The following NRG3 variants were observed in gnomAD, a reference collection of about 807,000 sequenced individuals.
The protein encoded by NRG3 is neuregulin 3.
Under a neutral mutation model 66.9 loss-of-function variants are expected in NRG3, and 31 were observed. That is an observed-to-expected ratio of 0.46 (90% CI 0.35 to 0.63). NRG3 has a LOEUF of 0.63. Among genes scored for constraint, NRG3 ranks in the 20% least tolerant of loss-of-function variants. NRG3 has a pLI of 0.00. For synonymous variants in NRG3, 393 were observed against 359.4 expected (o/e 1.09, Z -1.06); for missense variants, 910 against 878.9 (o/e 1.04, Z -0.45).
chr10:81,913,973 C>T (rs1845427096), intron 1 of NRG3, among the ~76,000 whole-genome samples: 1 of 152,132 alleles, frequency 6.6e-6, no homozygotes, highest in African/African-American at 2.4e-5. Context: ...ACATCCAGAG[C>T]TCTTGTGGCA....
chr10:82,348,524 G>T (rs1009690592), intron 1 of NRG3, among the ~76,000 whole-genome samples: 1 of 149,040 alleles, frequency 6.7e-6, no homozygotes, highest in African/African-American at 2.5e-5. Flanking sequence ...TTCAACTTTG[G>T]TGAATCTGAC....
intron 1 of NRG3, chr10:82,232,501 A>G (rs1226159886): frequency 1.5e-5 from 7 of 460,046 alleles, no homozygotes; most frequent in Non-Finnish European, 8.2e-6. Context: ...CTCTTCTCCT[A>G]ACAGGTGCTC....
intron 6 of NRG3, among the ~76,000 whole-genome samples, chr10:82,973,535 T>C (rs1851965195): frequency 6.6e-6 from 1 of 152,144 alleles, no homozygotes; most frequent in Non-Finnish European, 1.5e-5. Context: ...TAAAATGAGA[T>C]AGCAGGCTTG....
At chr10:82,082,243 G>A (rs1216478952) in intron 1 of NRG3, among the ~76,000 whole-genome samples, 1 of 152,124 alleles carries the variant, frequency 6.6e-6, no homozygotes, top group Non-Finnish European at 1.5e-5. Flanking sequence ...AAAATTAAGG[G>A]ATCTGAAACA....
Position 81,960,607 on chromosome 10 carries a change from C to T in NRG3, c.823+84444C>T, listed in dbSNP as rs373998186. Among the ~76,000 whole-genome samples, 389 of 151,584 alleles carry T rather than the reference C, an allele frequency of 2.6e-3. 2 individuals are homozygous for T. Among genetic ancestry groups the T allele is most frequent in the Middle Eastern group, 6.8e-3 (2 of 294 alleles). On this transcript the variant is annotated intron_variant, in intron 1 of 8. Coordinates refer to ENST00000372141, the MANE Select transcript of NRG3 (RefSeq NM_001010848.4). ...GTCTGTTCCACTTAGTGCAGTGTCT[C>T]GGTAATTAGAACAAACTAATTCTGG...
intron 1 of NRG3, among the ~76,000 whole-genome samples, chr10:82,103,595 A>C (rs571051694): frequency 6.6e-6 from 1 of 152,164 alleles, no homozygotes; most frequent in Non-Finnish European, 1.5e-5. Context: ...AAAGCCTTTG[A>C]CATGCTTCTT....
chr10:82,244,755 A>G (rs1041122077), intron 1 of NRG3, among the ~76,000 whole-genome samples: 1 of 152,012 alleles, frequency 6.6e-6, no homozygotes, highest in Admixed American at 6.6e-5. Flanking sequence ...TTGATTGGAG[A>G]CAGAGTCTTG....
intron 2 of NRG3, among the ~76,000 whole-genome samples, chr10:82,408,864 C>T: frequency 6.6e-6 from 1 of 151,848 alleles, no homozygotes; most frequent in Non-Finnish European, 1.5e-5. Flanking sequence ...AAAAATTTTG[C>T]AGAATAGGAA....
chr10:82,630,253 A>G (rs1181107058), intron 2 of NRG3, among the ~76,000 whole-genome samples: 1 of 152,168 alleles, frequency 6.6e-6, no homozygotes, highest in African/African-American at 2.4e-5. Flanking sequence ...AAGTAAATAA[A>G]GAGGTAATTT....
chr10:81,904,874 A>C (rs1016778338), intron 1 of NRG3, among the ~76,000 whole-genome samples: 2 of 152,160 alleles, frequency 1.3e-5, no homozygotes, highest in African/African-American at 4.8e-5. Context: ...TACCTGCCTC[A>C]GAGGGTTGCT....
chr10:82,253,102 T>G (rs2077561446), intron 1 of NRG3, among the ~76,000 whole-genome samples: 1 of 152,166 alleles, frequency 6.6e-6, no homozygotes, highest in Non-Finnish European at 1.5e-5. Context: ...CCTTGGAATT[T>G]CCCAATACCA....
intron 2 of NRG3, among the ~76,000 whole-genome samples, chr10:82,465,999 C>T (rs577493577): frequency 6.6e-6 from 1 of 152,248 alleles, no homozygotes; most frequent in South Asian, 2.1e-4. Flanking sequence ...CTTGTGATTG[C>T]CCAGGCACTC....
intron 2 of NRG3, among the ~76,000 whole-genome samples, chr10:82,476,765 A>C (rs1259315619): frequency 6.6e-6 from 1 of 152,174 alleles, no homozygotes; most frequent in Non-Finnish European, 1.5e-5. Flanking sequence ...ATGATGAAAA[A>C]GTTCTGGAAA....
At chr10:82,045,883 T>G (rs1244827607) in intron 1 of NRG3, among the ~76,000 whole-genome samples, 1 of 149,736 alleles carries the variant, frequency 6.7e-6, no homozygotes, top group South Asian at 2.1e-4. Context: ...GTTGTAGATA[T>G]GCGGTGTTAT....
At chr10:82,488,006 C>A (rs1456029943) in intron 2 of NRG3, among the ~76,000 whole-genome samples, 1 of 152,004 alleles carries the variant, frequency 6.6e-6, no homozygotes, top group Non-Finnish European at 1.5e-5. Flanking sequence ...TGTATGTGTG[C>A]CAAATGTTTT....
chr10:82,660,587 A>G (rs1172626095), intron 2 of NRG3, among the ~76,000 whole-genome samples: 1 of 152,206 alleles, frequency 6.6e-6, no homozygotes, highest in African/African-American at 2.4e-5. Flanking sequence ...ATTTCAGAGT[A>G]ATTTTGACTA....
intron 2 of NRG3, among the ~76,000 whole-genome samples, chr10:82,688,603 C>T (rs1344194908): frequency 6.6e-6 from 1 of 152,080 alleles, no homozygotes; most frequent in East Asian, 1.9e-4. Context: ...TTACTGAACA[C>T]TTCCAATTAA....
At chr10:82,115,911 ACT>A (rs2067682456) in intron 1 of NRG3, among the ~76,000 whole-genome samples, 1 of 151,942 alleles carries the variant, frequency 6.6e-6, no homozygotes, top group African/African-American at 2.4e-5. Flanking sequence ...ATGGATGGAG[ACT>A]CACATGATCC....
At chr10:81,886,750 A>T (rs1842643262) in intron 1 of NRG3, among the ~76,000 whole-genome samples, 2 of 152,268 alleles carry the variant, frequency 1.3e-5, no homozygotes, top group East Asian at 1.9e-4. Flanking sequence ...AAAGCTATTA[A>T]ATTTTGTTGT....
Sources: gnomAD v4.1 joint callset for allele counts (sites outside exome capture counted in the v4.1 genomes callset) on GRCh38, gnomAD v4.1.1 for gene constraint, MANE v1.5 for transcripts, NCBI Gene and HGNC (gene_info 2026-07-23, HGNC 2026-07-21) for gene names.